The following RFX7 variants were observed in gnomAD, a reference collection of about 807,000 sequenced individuals.
The protein encoded by RFX7 is DNA-binding protein RFX7.
RFX7 carries 26 observed loss-of-function variants against 111.8 expected under a neutral mutation model. The ratio of observed to expected loss-of-function variants is 0.23; its 90% CI spans 0.17 to 0.32. RFX7 has a LOEUF of 0.32. Among genes scored for constraint, RFX7 ranks in the 10% least tolerant of loss-of-function variants. The pLI is 1.00. For missense variants in RFX7, 1,573 were observed against 1,772.9 expected, an observed-to-expected ratio of 0.89 and a Z score of 2.02; for synonymous variants, 624 against 624.4, an observed-to-expected ratio of 1.00 and a Z score of 0.01.
intron 3 of RFX7, among the ~76,000 whole-genome samples, chr15:56,148,824 GTAATC>G (rs2042522952): frequency 1.3e-5 from 2 of 152,188 alleles, no homozygotes; most frequent in Non-Finnish European, 2.9e-5. Context: ...GCTCAAGCCT[GTAATC>G]CCAGAACTTT....
At chr15:56,103,235 TTG>T (rs1351785773) in intron 6 of RFX7, among the ~76,000 whole-genome samples, 27 of 150,362 alleles carry the variant, frequency 1.8e-4, no homozygotes, top group Non-Finnish European at 3.1e-4. Context: ...ATTCTTATAA[TTG>T]TTAAACATAT....
chr15:56,131,335 T>TTGTTGCGATCA (rs1555419992), intron 5 of RFX7, among the ~76,000 whole-genome samples: 1 of 146,034 alleles, frequency 6.8e-6, no homozygotes, highest in African/African-American at 2.6e-5. Flanking sequence ...TTGGAGTGCA[T>TTGTTGCGATCA]TGGCTTACTG....
At chr15:56,156,056 A>G (rs1395801081) in intron 3 of RFX7, among the ~76,000 whole-genome samples, 2 of 152,088 alleles carry the variant, frequency 1.3e-5, no homozygotes, top group African/African-American at 2.4e-5. Context: ...CAATATGCCA[A>G]TCTGTTCCTC....
intron 3 of RFX7, among the ~76,000 whole-genome samples, chr15:56,150,558 A>G (rs1417330658): frequency 6.6e-6 from 1 of 152,232 alleles, no homozygotes; most frequent in African/African-American, 2.4e-5. Flanking sequence ...ACCCCACTGG[A>G]AGGTCACCAA....
chr15:56,147,698 C>T lies in RFX7; in HGVS notation c.196-3215G>A, dbSNP rs371668199. Among the ~76,000 whole-genome samples, 37 of 152,174 alleles carry T rather than the reference C, an allele frequency of 2.4e-4. No individual in the cohort carries two copies. In the East Asian group the frequency reaches 5.6e-3, roughly 23 times the overall value. On this transcript the variant is annotated intron_variant, in intron 3 of 9. Transcript: ENST00000559447. ...ACACCATTCTCCTGACTCAGCCTTC[C>T]GAGCAGCTGGGACTACTGGCACCCG... is the stretch of plus-strand genomic sequence containing the variant.
At chr15:56,179,127 G>A (rs574185567) in intron 3 of RFX7, 143 bp downstream of exon 3, 5 of 338,654 alleles carry the variant, frequency 1.5e-5, no homozygotes, top group Admixed American at 5.2e-5. Flanking sequence ...CAATTCACCC[G>A]AGGGGGCTGT....
rs1555421060 is a variant in RFX7, at chr15:56,141,656, A to AATACATAT, written c.401+1121_401+1122insATATGTAT. 2.4e-5 allele frequency among the ~76,000 whole-genome samples: 2 copies of AATACATAT among 83,210 alleles called. 1 individual carries two copies. The highest frequency in any genetic ancestry group is 0.012 in the Middle Eastern group (2 of 168). The allele number at this position is 83,210 out of a possible 152,430, so 54.6% of individuals were successfully genotyped here. A position where few individuals can be genotyped will look rare whatever the true frequency, so the allele number is the denominator to read the frequency against. ...TAATGAAGAATCTATGCTTACTCTA[A>AATACATAT]ATATATATATATATATATATGCATA... On this transcript the variant is annotated intron_variant, in intron 5 of 9. Transcript: ENST00000559447.
intron 2 of RFX7, chr15:56,192,830 T>C (rs2043112838): frequency 8.9e-6 from 2 of 224,132 alleles, no homozygotes; most frequent in East Asian, 1.1e-4. Context: ...TGGCTATGCT[T>C]GTAATTTGCA....
At chr15:56,216,039 A>C (rs1281154347) in intron 2 of RFX7, among the ~76,000 whole-genome samples, 1 of 152,130 alleles carries the variant, frequency 6.6e-6, no homozygotes, top group Non-Finnish European at 1.5e-5. Flanking sequence ...GCCTTTTATG[A>C]ACTATGTTCT....
intron 5 of RFX7, among the ~76,000 whole-genome samples, chr15:56,112,369 G>T (rs1369431878): frequency 3.8e-5 from 1 of 26,012 alleles, no homozygotes; most frequent in East Asian, 8.4e-4. Flanking sequence ...AAAAATATCA[G>T]AGTACAAATC....
intron 2 of RFX7, among the ~76,000 whole-genome samples, chr15:56,221,448 A>G (rs1032962464): frequency 8.7e-4 from 133 of 152,276 alleles, no homozygotes; most frequent in African/African-American, 3.1e-3. Flanking sequence ...ATATTTAAAT[A>G]TAATATACAC....
chr15:56,184,761 A>C (rs1286414603), intron 2 of RFX7, among the ~76,000 whole-genome samples: 1 of 152,066 alleles, frequency 6.6e-6, no homozygotes, highest in Non-Finnish European at 1.5e-5. Context: ...ACCTTCCCTG[A>C]CTATCTTGTC....
rs2041589797 is a variant in RFX7 at position 56,090,995 on chromosome 15, TA to T, written c.*2349del. Reference sequence around the variant, plus strand: ...AAACATAAAGTAAATAACCTGTGAATAACTATGCTTGCCTGGTTAACACTGA... The same window carrying T: ...AAACATAAAGTAAATAACCTGTGAATACTATGCTTGCCTGGTTAACACTGA... On this transcript the variant is annotated 3_prime_UTR_variant, in exon 10 of 10. Coordinates refer to ENST00000559447, the MANE Select transcript of RFX7 (RefSeq NM_022841.7). The T allele has an allele frequency of 6.6e-6, 1 of 152,290 alleles. No homozygotes were observed. The highest frequency in any genetic ancestry group is 6.6e-5 in the Admixed American group (1 of 15,250). 9.4% of individuals were successfully genotyped at this position (152,290 alleles called of 1,614,324 possible). A position where few individuals can be genotyped will look rare whatever the true frequency, so the allele number is the denominator to read the frequency against.
intron 3 of RFX7, among the ~76,000 whole-genome samples, chr15:56,146,791 A>T (rs2042479881): frequency 6.6e-6 from 1 of 152,204 alleles, no homozygotes; most frequent in South Asian, 2.1e-4. Flanking sequence ...CATATGGGGT[A>T]CAACACATAG....
intron 5 of RFX7, among the ~76,000 whole-genome samples, chr15:56,118,938 G>C (rs1369241329): frequency 2.0e-5 from 3 of 152,266 alleles, no homozygotes; most frequent in Admixed American, 2.0e-4. Context: ...TTTCTCTAAT[G>C]AACAATGATG....
At chr15:56,125,641 GTGTGTA>G (rs1166280317) in intron 5 of RFX7, among the ~76,000 whole-genome samples, 1 of 149,322 alleles carries the variant, frequency 6.7e-6, no homozygotes, top group African/African-American at 2.5e-5. Context: ...GTGTGTGTGT[GTGTGTA>G]TGTGGCTAAC....
chr15:56,227,989 T>G (rs1242226595), intron 2 of RFX7, among the ~76,000 whole-genome samples: 1 of 152,166 alleles, frequency 6.6e-6, no homozygotes, highest in African/African-American at 2.4e-5. Flanking sequence ...AATTCTAGGT[T>G]GGCGGTTTTA....
At chr15:56,240,910 A>G (rs899511723) in intron 2 of RFX7, among the ~76,000 whole-genome samples, 1 of 152,240 alleles carries the variant, frequency 6.6e-6, no homozygotes, top group Non-Finnish European at 1.5e-5. Context: ...AGGAGTTTTC[A>G]CTTTTGATAT....
chr15:56,200,859 G>T (rs1282650921), intron 2 of RFX7, among the ~76,000 whole-genome samples: 1 of 151,396 alleles, frequency 6.6e-6, no homozygotes, highest in Admixed American at 6.6e-5. Context: ...AAAACAAGAG[G>T]ATAAATGTGA....
Sources: allele counts gnomAD v4.1 joint callset (sites outside exome capture counted in the v4.1 genomes callset), GRCh38; gene constraint gnomAD v4.1.1; transcripts MANE v1.5; gene names NCBI Gene and HGNC (gene_info 2026-07-23, HGNC 2026-07-21).